The following SEC24C variants were observed in gnomAD, a reference collection of about 807,000 sequenced individuals.
SEC24C encodes the protein SEC24 homolog C, COPII component.
Under a neutral mutation model 117.0 loss-of-function variants are expected in SEC24C, and 22 were observed. That is an observed-to-expected ratio of 0.19 (90% CI 0.13 to 0.27). SEC24C has a LOEUF of 0.27. SEC24C is among the 10% of genes least tolerant of loss of function. The pLI, the probability that SEC24C is intolerant of heterozygous loss-of-function variation, is 1.00. For missense variants in SEC24C, 1,155 were observed against 1,375.1 expected, an observed-to-expected ratio of 0.84 and a Z score of 2.53; for synonymous variants, 506 against 529.4, an observed-to-expected ratio of 0.96 and a Z score of 0.61.
intron 21 of SEC24C, 105 bp from the exon 22 acceptor site, chr10:73,770,604 T>C: frequency 8.0e-6 from 12 of 1,505,826 alleles, no homozygotes; most frequent in Non-Finnish European, 1.1e-5. Flanking sequence ...TTGCTGTCAT[T>C]CTTCCCAGGT....
chr10:73,744,706 T>G (rs1223213301), intron 1 of SEC24C, among the ~76,000 whole-genome samples: 1 of 152,028 alleles, frequency 6.6e-6, no homozygotes, highest in East Asian at 1.9e-4. Context: ...AGCAGCCCCC[T>G]CTCTTAACGT....
Position 73,748,204 on chromosome 10 carries a change from C to T in SEC24C, c.172+1200C>T, listed in dbSNP as rs954423128. Reference sequence around the variant, plus strand: ...AGGCTGGAGTGCAGTGGCACAATCTCGGCTCACTGCAACCTCCGCCTCCCA... The same window carrying T: ...AGGCTGGAGTGCAGTGGCACAATCTTGGCTCACTGCAACCTCCGCCTCCCA... On this transcript the variant is annotated intron_variant, in intron 2 of 22. Transcript: ENST00000345254. 3.3e-5 allele frequency among the ~76,000 whole-genome samples: 5 copies of T among 152,052 alleles called. No homozygotes were observed. The East Asian group carries it at 7.7e-4, about 23-fold the overall frequency.
chr10:73,745,829 C>T (rs1287383882), intron 1 of SEC24C, among the ~76,000 whole-genome samples: 1 of 151,974 alleles, frequency 6.6e-6, no homozygotes, highest in Non-Finnish European at 1.5e-5. Context: ...GGATTACAGG[C>T]ATGAGCCACT....
In SEC24C at chr10:73,754,728, C is replaced by T. The variant is rs545268145; in HGVS notation, c.308+3485C>T. Among the ~76,000 whole-genome samples, 4 of 152,190 alleles carry T rather than the reference C, an allele frequency of 2.6e-5. No individual in the cohort carries two copies. The East Asian group carries it at 5.8e-4, about 22-fold the overall frequency. ...TCCTCAGTCTATAGATATTTAAAGC[C>T]GTGGGACTAGATGAAATCATTTAAA... On this transcript the variant is annotated intron_variant, in intron 3 of 22. Transcript: ENST00000345254.
chr10:73,760,438 G>T (rs766258670), intron 5 of SEC24C, 52 bp downstream of exon 5: 3 of 1,507,934 alleles, frequency 2.0e-6, no homozygotes, highest in Non-Finnish European at 2.6e-6. Context: ...AGCTACTCAG[G>T]TGGTTTTTGA....
At chr10:73,765,630 T>A (rs1346867110) in intron 9 of SEC24C, 41 bp downstream of exon 9, 1 of 1,605,772 alleles carries the variant, frequency 6.2e-7, no homozygotes. Flanking sequence ...AGGTCTTGAT[T>A]GTATCTTCCT....
At chr10:73,768,045 G>A (rs768170883) in intron 15 of SEC24C, 38 bp downstream of exon 15, 8 of 1,586,014 alleles carry the variant, frequency 5.0e-6, no homozygotes, top group South Asian at 3.4e-5. Flanking sequence ...TGGCAGCAGG[G>A]CTGGGAATAT....
Position 73,772,014 on chromosome 10 carries a change from G to A in SEC24C, c.*919G>A, listed in dbSNP as rs2082992743. 3.4e-6 allele frequency: 1 copy of A among 296,696 alleles called. No individual in the cohort carries two copies. The highest frequency in any genetic ancestry group is 6.2e-6 in the Non-Finnish European group (1 of 160,658). 18.4% of individuals were successfully genotyped at this position (296,696 alleles called of 1,614,324 possible). A position where few individuals can be genotyped will look rare whatever the true frequency, so the allele number is the denominator to read the frequency against. On this transcript the variant is annotated 3_prime_UTR_variant, in exon 23 of 23. Transcript: ENST00000345254. Reference sequence around the variant, plus strand: ...TATCTTCCAACCCCAACTGGCTTGGGGGCAGGACAAGGGCTAGGCTTGATG... The same window carrying A: ...TATCTTCCAACCCCAACTGGCTTGGAGGCAGGACAAGGGCTAGGCTTGATG...
intron 2 of SEC24C, among the ~76,000 whole-genome samples, chr10:73,750,691 C>A (rs1338071734): frequency 1.3e-5 from 2 of 152,164 alleles, no homozygotes; most frequent in Non-Finnish European, 2.9e-5. Flanking sequence ...AGCCTAGTTC[C>A]GTATATTACT....
intron 8 of SEC24C, among the ~76,000 whole-genome samples, chr10:73,765,188 C>T (rs1333563999): frequency 2.0e-5 from 3 of 152,170 alleles, no homozygotes; most frequent in Admixed American, 2.0e-4. Context: ...CTGATATGGC[C>T]GGTTTTGCAT....
At chr10:73,757,629 A>G (rs2082729873) in intron 3 of SEC24C, among the ~76,000 whole-genome samples, 1 of 151,776 alleles carries the variant, frequency 6.6e-6, no homozygotes, top group South Asian at 2.1e-4. Context: ...TATCGGAGAA[A>G]GGCACTTTGA....
chr10:73,745,050 A>T (rs2082525468), intron 1 of SEC24C, among the ~76,000 whole-genome samples: 1 of 152,182 alleles, frequency 6.6e-6, no homozygotes. Context: ...CTTTGAGTTT[A>T]AAGAGTTTTA....
chr10:73,771,690 A>T lies in SEC24C; in HGVS notation c.*595A>T. 6.5e-6 allele frequency: 1 copy of T among 153,520 alleles called. No homozygotes were observed. The highest frequency in any genetic ancestry group is 1.5e-5 in the Non-Finnish European group (1 of 68,630). 9.5% of individuals were successfully genotyped at this position (153,520 alleles called of 1,614,324 possible). A position where few individuals can be genotyped will look rare whatever the true frequency, so the allele number is the denominator to read the frequency against. Reference sequence around the variant, plus strand: ...GATCACTCCGTGGATAGAGAGGCACACTGTCAGAGGTGACCGGAGAACTGA... The same window carrying T: ...GATCACTCCGTGGATAGAGAGGCACTCTGTCAGAGGTGACCGGAGAACTGA... On this transcript the variant is annotated 3_prime_UTR_variant, in exon 23 of 23. Coordinates refer to ENST00000345254, the MANE Select transcript of SEC24C (RefSeq NM_198597.3).
At position 73,765,458 on chromosome 10, in the gene SEC24C, C is replaced by T. The variant is rs181032721; in HGVS notation, c.1235C>T (p.Pro412Leu). ...LARLPPEEASPYVVDHGESGP... is the reference protein window; with the variant it reads ...LARLPPEEASLYVVDHGESGP... The stretch of plus-strand genomic sequence containing the variant: ...TTCCCCTTTGCGCCTTAGGCTTCAC[C>T]GTATGTTGTGGACCATGGGGAATCT... The change falls in exon 9 of 23, where the codon CCG becomes CTG. Residue 412 changes from proline (P) to leucine (L), a missense_variant. Pro to Leu is a moderately conservative substitution (Grantham distance 98, BLOSUM62 -3). Coordinates refer to ENST00000345254, the MANE Select transcript of SEC24C (RefSeq NM_198597.3). 18 of 1,611,524 alleles carry T rather than the reference C, an allele frequency of 1.1e-5. No homozygotes were observed. The Admixed American group carries it at 1.2e-4, about 10-fold the overall frequency.
chr10:73,764,022 G>A, intron 8 of SEC24C, 39 bp downstream of exon 8: 1 of 1,550,030 alleles, frequency 6.5e-7, no homozygotes, highest in Non-Finnish European at 8.7e-7. Flanking sequence ...TGAAAGGGAG[G>A]GAGGTAGAGA....
chr10:73,758,731 T>C (rs1458294955), intron 3 of SEC24C, among the ~76,000 whole-genome samples: 1 of 152,262 alleles, frequency 6.6e-6, no homozygotes, highest in African/African-American at 2.4e-5. Flanking sequence ...TTGTAGTGTA[T>C]ATTAGTACTC....
At chr10:73,762,989 C>T (rs766851563) in intron 6 of SEC24C, among the ~76,000 whole-genome samples, 1 of 152,212 alleles carries the variant, frequency 6.6e-6, no homozygotes, top group Non-Finnish European at 1.5e-5. Context: ...TTAAATCTCT[C>T]CTCACCCTGT....
At position 73,760,023 on chromosome 10, in the gene SEC24C, C is replaced by A; in HGVS notation, c.487C>A (p.Pro163Thr). 6.3e-7 allele frequency: 1 copy of A among 1,577,876 alleles called. No individual in the cohort carries two copies. Residue 163 changes from proline (P) to threonine (T), a missense_variant, in exon 5 of 23, where the codon CCA becomes ACA. Transcript: ENST00000345254. ...ACCTTTATTCTACTTCTCAGGCCCACCAACATCGCTGGCTTCAGCCTCAGG... is the reference window on the plus strand; with the variant it reads ...ACCTTTATTCTACTTCTCAGGCCCAACAACATCGCTGGCTTCAGCCTCAGG... The part of the protein sequence containing the change: ...PPSSGLGFGP[P>T]TSLASASGSF...
In SEC24C at chr10:73,770,971, A is replaced by G; in HGVS notation, c.3161A>G (p.Gln1054Arg). Residue 1054 changes from glutamine (Q) to arginine (R), a missense_variant, in exon 23 of 23, where the codon CAG becomes CGG. Transcript: ENST00000345254. ...SRYMKLTVVK[Q>R]EDKMEMLFKH... ...TGGCCGTAGCTTACCGTGGTGAAAC[A>G]GGAAGACAAGATGGAGATGCTGTTC... The G allele has an allele frequency of 6.2e-7, 1 of 1,614,196 alleles. No homozygotes were observed. The highest frequency in any genetic ancestry group is 8.5e-7 in the Non-Finnish European group (1 of 1,180,042).
Sources: gnomAD v4.1 joint callset for allele counts (sites outside exome capture counted in the v4.1 genomes callset) on GRCh38, gnomAD v4.1.1 for gene constraint, MANE v1.5 for transcripts, NCBI Gene and HGNC (gene_info 2026-07-23, HGNC 2026-07-21) for gene names.